LINC00305: variants seen among roughly 807,000 people sequenced by gnomAD.
LINC00305 encodes long intergenic non-protein coding RNA 305.
At chr18:64,118,496 T>G (rs1472165283) in intron 1 of LINC00305, among the ~76,000 whole-genome samples, 2 of 152,080 alleles carry the variant, frequency 1.3e-5, no homozygotes, top group African/African-American at 4.8e-5. Context: ...CATTATAACT[T>G]TTTTGTATGA....
At position 64,110,869 on chromosome 18, in the gene LINC00305, T is replaced by G. The variant is rs563839074; in HGVS notation, n.315-12229A>C. Among the ~76,000 whole-genome samples the G allele has an allele frequency of 2.0e-4, 30 of 152,342 alleles. No homozygotes were observed. The South Asian group carries it at 6.0e-3, about 31-fold the overall frequency. ...GCCGTTATTACCTGTGGCAAAACAC[T>G]TTGCTGTGGATGGACGCACTGCTAA... On this transcript the variant is annotated intron_variant and non_coding_transcript_variant, in intron 1 of 3. Coordinates refer to ENST00000666468, the Ensembl canonical transcript of LINC00305.
intron 1 of LINC00305, among the ~76,000 whole-genome samples, chr18:64,106,021 A>T (rs1568108465): frequency 6.6e-6 from 1 of 152,234 alleles, no homozygotes; most frequent in Non-Finnish European, 1.5e-5. Flanking sequence ...TTCCAATGAC[A>T]TTCTGGCTTA....
chr18:64,130,352 T>G (rs1332287887), intron 1 of LINC00305, among the ~76,000 whole-genome samples: 1 of 152,152 alleles, frequency 6.6e-6, no homozygotes, highest in Non-Finnish European at 1.5e-5. Flanking sequence ...ATTAGGTCCC[T>G]TTTTCTTACA....
chr18:64,128,395 T>A (rs111505645), intron 1 of LINC00305, among the ~76,000 whole-genome samples: 1 of 152,100 alleles, frequency 6.6e-6, no homozygotes, highest in Admixed American at 6.6e-5. Flanking sequence ...CTTGAACTGC[T>A]CTTAACATAA....
intron 3 of LINC00305, among the ~76,000 whole-genome samples, chr18:64,095,436 C>T (rs2051241510): frequency 1.4e-5 from 2 of 147,048 alleles, no homozygotes; most frequent in Non-Finnish European, 3.0e-5. Context: ...TATGATCTCA[C>T]TAAAATATAA....
chr18:64,117,372 A>G (rs1210500439), intron 1 of LINC00305, among the ~76,000 whole-genome samples: 2 of 152,194 alleles, frequency 1.3e-5, no homozygotes, highest in South Asian at 4.1e-4. Context: ...TGCTTTGCAG[A>G]TAAGATAGGG....
At chr18:64,116,389 G>A (rs1174183579) in intron 1 of LINC00305, among the ~76,000 whole-genome samples, 1 of 152,074 alleles carries the variant, frequency 6.6e-6, no homozygotes, top group African/African-American at 2.4e-5. Flanking sequence ...AATGTTTTAA[G>A]AACATATTAA....
intron 1 of LINC00305, among the ~76,000 whole-genome samples, chr18:64,108,817 T>A (rs1285521643): frequency 6.6e-6 from 1 of 152,204 alleles, no homozygotes; most frequent in Non-Finnish European, 1.5e-5. Flanking sequence ...TATCTGTCTG[T>A]GTAAAAATAT....
intron 1 of LINC00305, among the ~76,000 whole-genome samples, chr18:64,130,724 G>T (rs1340854319): frequency 1.3e-5 from 2 of 152,124 alleles, no homozygotes; most frequent in Non-Finnish European, 2.9e-5. Flanking sequence ...TGTAATTGAT[G>T]AATTCAGTTG....
chr18:64,114,263 C>T lies in LINC00305; in HGVS notation n.315-15623G>A, dbSNP rs148370474. On this transcript the variant is annotated intron_variant and non_coding_transcript_variant, in intron 1 of 3. Coordinates refer to ENST00000666468, the Ensembl canonical transcript of LINC00305. ...CCAGCCTGGGCGACAGAAAATTTAA[C>T]GTTCAGGGTTCTAAAGTGCAAACTT... 9.1e-3 allele frequency among the ~76,000 whole-genome samples: 1,393 copies of T among 152,258 alleles called. 12 individuals carry two copies. The highest frequency in any genetic ancestry group is 0.017 in the South Asian group (82 of 4,820).
intron 1 of LINC00305, among the ~76,000 whole-genome samples, chr18:64,145,027 T>A (rs2051490394): frequency 6.6e-6 from 1 of 152,140 alleles, no homozygotes; most frequent in East Asian, 1.9e-4. Context: ...TAGGCCTCTT[T>A]AGGGTTAAGG....
exon 2 of LINC00305, chr18:64,098,580 G>A (rs1019319044): frequency 2.2e-6 from 1 of 448,692 alleles, no homozygotes; most frequent in South Asian, 1.6e-5. Flanking sequence ...TACTCACCAT[G>A]TATAATGCAC....
chr18:64,113,979 A>G lies in LINC00305; in HGVS notation n.315-15339T>C, dbSNP rs1181604228. On this transcript the variant is annotated intron_variant and non_coding_transcript_variant, in intron 1 of 3. Coordinates refer to ENST00000666468, the Ensembl canonical transcript of LINC00305. ...AATTTATGGGAAGCACATAAAAATG[A>G]AAGAAAATGGCTGGGCGCGTTGGCT... Among the ~76,000 whole-genome samples the G allele has an allele frequency of 2.6e-5, 4 of 152,230 alleles. 1 individual carries two copies. The highest frequency in any genetic ancestry group is 2.6e-4 in the Admixed American group (4 of 15,276).
At chr18:64,123,782 T>A (rs970974013) in intron 1 of LINC00305, among the ~76,000 whole-genome samples, 21 of 152,076 alleles carry the variant, frequency 1.4e-4, no homozygotes, top group Admixed American at 1.3e-3. Context: ...TAGGAGGTAT[T>A]TGGGTCATGT....
intron 1 of LINC00305, among the ~76,000 whole-genome samples, chr18:64,140,887 C>T (rs945744971): frequency 3.3e-5 from 5 of 151,732 alleles, no homozygotes; most frequent in Admixed American, 6.6e-5. Context: ...AAGAAAGACA[C>T]GGAGAGATGC....
intron 3 of LINC00305, among the ~76,000 whole-genome samples, chr18:64,087,317 C>T (rs1448813034): frequency 1.3e-5 from 2 of 152,118 alleles, no homozygotes; most frequent in African/African-American, 4.8e-5. Context: ...CATTAGTCCA[C>T]TTAATCAGAA....
At chr18:64,126,428 C>G (rs2051385484) in intron 1 of LINC00305, among the ~76,000 whole-genome samples, 1 of 151,982 alleles carries the variant, frequency 6.6e-6, no homozygotes. Context: ...TAAGGGACTA[C>G]TATTTTTTTC....
chr18:64,116,703 CCTTCA>C (rs1384289069), intron 1 of LINC00305, among the ~76,000 whole-genome samples: 22 of 152,280 alleles, frequency 1.4e-4, no homozygotes, highest in African/African-American at 4.6e-4. Context: ...ATTAACATTG[CCTTCA>C]CTTCACAGAG....
intron 1 of LINC00305, chr18:64,147,171 A>T (rs2051502044): frequency 6.6e-6 from 1 of 152,190 alleles, no homozygotes; most frequent in African/African-American, 2.4e-5. Context: ...TGTGGTTGCC[A>T]TGGTAGTACA....
Sources: gnomAD v4.1 joint callset for allele counts (sites outside exome capture counted in the v4.1 genomes callset) on GRCh38, gnomAD v4.1.1 for gene constraint, MANE v1.5 for transcripts, NCBI Gene and HGNC (gene_info 2026-07-23, HGNC 2026-07-21) for gene names.